HTR4: variants seen among roughly 807,000 people sequenced by gnomAD.
HTR4 encodes the protein 5-hydroxytryptamine (serotonin) receptor 4, G protein-coupled.
Under a neutral mutation model 36.8 loss-of-function variants are expected in HTR4, and 16 were observed. The observed-to-expected ratio is 0.43, with a 90% confidence interval of 0.29 to 0.66. HTR4 has a LOEUF of 0.66. Among genes scored for constraint, HTR4 ranks in the 30% least tolerant of loss-of-function variants. HTR4 has a pLI of 0.13. For synonymous variants in HTR4, 189 were observed against 185.1 expected, an observed-to-expected ratio of 1.02 and a Z score of -0.17; for missense variants, 438 against 490.9, an observed-to-expected ratio of 0.89 and a Z score of 1.02.
At chr5:148,520,644 ATGT>A (rs1476678067) in intron 5 of HTR4, among the ~76,000 whole-genome samples, 1 of 152,226 alleles carries the variant, frequency 6.6e-6, no homozygotes, top group Admixed American at 6.5e-5. Flanking sequence ...CTACTTCATA[ATGT>A]TGTTGTGAAG....
intron 1 of HTR4, among the ~76,000 whole-genome samples, chr5:148,643,231 C>A (rs1753781031): frequency 6.6e-6 from 1 of 152,094 alleles, no homozygotes; most frequent in Non-Finnish European, 1.5e-5. Flanking sequence ...CATATTACAG[C>A]TGGTAAGTTT....
chr5:148,515,683 C>T (rs1581409769), intron 5 of HTR4, among the ~76,000 whole-genome samples: 3 of 152,132 alleles, frequency 2.0e-5, no homozygotes, highest in East Asian at 3.9e-4. Flanking sequence ...AGCTGTAAGT[C>T]TTATTTTCCC....
intron 2 of HTR4, among the ~76,000 whole-genome samples, chr5:148,556,411 C>T (rs550683035): frequency 5.3e-5 from 8 of 152,302 alleles, no homozygotes; most frequent in Admixed American, 2.6e-4. Context: ...TTTTCTGAGC[C>T]TCAGTTTCTT....
chr5:148,550,600 A>G (rs1302934397), intron 2 of HTR4, among the ~76,000 whole-genome samples: 2 of 152,202 alleles, frequency 1.3e-5, no homozygotes, highest in African/African-American at 4.8e-5. Flanking sequence ...ACTAGATTGC[A>G]AAAGCTGAGT....
Position 148,509,308 on chromosome 5 carries a change from T to C in HTR4, c.1076+148A>G, listed in dbSNP as rs548389540. 1.9e-5 allele frequency: 12 copies of C among 620,130 alleles called. 1 individual carries two copies. The South Asian group carries it at 2.7e-4, about 14-fold the overall frequency. The allele number at this position is 620,130 out of a possible 1,614,324, so 38.4% of individuals were successfully genotyped here. ...CCTGAGTTCTTAACCATTGCTGTAT[T>C]CCATGACCAGATAGTAGAATCTTTT... On this transcript the variant is annotated intron_variant, in intron 6 of 6. Transcript: ENST00000377888.
chr5:148,579,490 G>T (rs1471675619), intron 2 of HTR4, among the ~76,000 whole-genome samples: 1 of 152,016 alleles, frequency 6.6e-6, no homozygotes, highest in Non-Finnish European at 1.5e-5. Context: ...AAACATATTA[G>T]TTTTCTATAG....
chr5:148,540,408 A>G (rs999269771), intron 4 of HTR4, among the ~76,000 whole-genome samples: 3,213 of 60,956 alleles, frequency 0.053, 136 homozygotes, highest in Non-Finnish European at 0.087. Context: ...GTGTATATAT[A>G]TATATATATA....
chr5:148,473,880 GAAGGTCTGA>G (rs1755632974), downstream of HTR4, among the ~76,000 whole-genome samples: 1 of 151,856 alleles, frequency 6.6e-6, no homozygotes, highest in Non-Finnish European at 1.5e-5. Context: ...GCTGTAATAG[GAAGGTCTGA>G]ATAGCAAAGA....
intron 5 of HTR4, among the ~76,000 whole-genome samples, chr5:148,516,028 ACATATATTCTG>A: frequency 6.6e-6 from 1 of 150,432 alleles, no homozygotes; most frequent in South Asian, 2.1e-4. Flanking sequence ...GGACACACAC[ACATATATTCTG>A]ATATGATACA....
chr5:148,638,541 TC>T (rs1242731378), intron 1 of HTR4, among the ~76,000 whole-genome samples: 3 of 152,160 alleles, frequency 2.0e-5, no homozygotes, highest in Admixed American at 1.3e-4. Flanking sequence ...GTTGAGACTT[TC>T]CCAGGTGTAG....
chr5:148,482,600 A>T lies in HTR4; in HGVS notation c.*603T>A. On this transcript the variant is annotated 3_prime_UTR_variant, in exon 7 of 7. Coordinates refer to ENST00000377888, the MANE Select transcript of HTR4 (RefSeq NM_000870.7). ...AAGAGCAAGTGGACGTCTGGGACTG[A>T]CAAGGGGGCCAACCAAGAGGATGCA... The T allele has an allele frequency of 1.0e-6, 1 of 987,532 alleles. No individual in the cohort carries two copies. The highest frequency in any genetic ancestry group is 1.7e-5 in the African/African-American group (1 of 57,384). 61.2% of individuals were successfully genotyped at this position (987,532 alleles called of 1,614,324 possible). A position where few individuals can be genotyped will look rare whatever the true frequency, so the allele number is the denominator to read the frequency against.
chr5:148,452,177 C>T (rs746914066), intron 5 of HTR4, among the ~76,000 whole-genome samples: 24 of 152,164 alleles, frequency 1.6e-4, no homozygotes, highest in Non-Finnish European at 2.6e-4. Context: ...TTGTACTAAG[C>T]CCTCTCCATA....
In HTR4 at chr5:148,469,498, A is replaced by T. The variant is rs924028245; in HGVS notation, c.1077-18226T>A. ...TGCCTCCTCACCTGAACATTTCCCC[A>T]GTCCAAAAGCTCTGCTTGTCGTAGT... is the stretch of plus-strand genomic sequence containing the variant. On this transcript the variant is annotated intron_variant, in intron 5 of 5. Transcript: ENST00000521530. 3.3e-5 allele frequency among the ~76,000 whole-genome samples: 5 copies of T among 152,316 alleles called. No homozygotes were observed. The East Asian group carries it at 9.6e-4, about 29-fold the overall frequency.
chr5:148,608,980 A>G (rs940895837), intron 2 of HTR4, among the ~76,000 whole-genome samples: 5 of 152,324 alleles, frequency 3.3e-5, no homozygotes, highest in Admixed American at 2.0e-4. Flanking sequence ...AATAGAAGAG[A>G]TTCTTACAAC....
At chr5:148,631,044 G>A (rs901304412) in intron 2 of HTR4, among the ~76,000 whole-genome samples, 3 of 152,102 alleles carry the variant, frequency 2.0e-5, no homozygotes. Flanking sequence ...TCCATAACCA[G>A]AAAATTTCAC....
intron 4 of HTR4, among the ~76,000 whole-genome samples, chr5:148,537,243 TG>T (rs1476753611): frequency 1.3e-5 from 2 of 152,102 alleles, no homozygotes; most frequent in Non-Finnish European, 2.9e-5. Flanking sequence ...AAGGCAGTAT[TG>T]AGAGGAAATT....
chr5:148,639,791 G>T (rs1415014634), intron 1 of HTR4, among the ~76,000 whole-genome samples: 1 of 151,858 alleles, frequency 6.6e-6, no homozygotes, highest in Non-Finnish European at 1.5e-5. Flanking sequence ...GATATTTATT[G>T]AGTCAACTAA....
chr5:148,461,883 G>A (rs140792162), intron 5 of HTR4: 1 of 152,098 alleles, frequency 6.6e-6, no homozygotes, highest in African/African-American at 2.4e-5. Flanking sequence ...CTTAACAAAT[G>A]TAAAAGAATA....
rs552047890 is a variant in HTR4 at position 148,652,986 on chromosome 5, G to A, written c.-48+1076C>T. 9.9e-5 allele frequency among the ~76,000 whole-genome samples: 15 copies of A among 152,126 alleles called. No individual in the cohort carries two copies. The South Asian group carries it at 1.9e-3, about 19-fold the overall frequency. On this transcript the variant is annotated intron_variant, in intron 1 of 6. Transcript: ENST00000377888. ...ACTCTTTCCTTGTTTTCAGGGCACC[G>A]CATCCACCACCCACGTCCTTTTCCT...
Sources: allele counts gnomAD v4.1 joint callset (sites outside exome capture counted in the v4.1 genomes callset), GRCh38; gene constraint gnomAD v4.1.1; transcripts MANE v1.5; gene names NCBI Gene and HGNC (gene_info 2026-07-23, HGNC 2026-07-21).